GHR: variants seen among roughly 807,000 people sequenced by gnomAD.
GHR encodes GH receptor.
GHR carries 35 observed loss-of-function variants against 67.1 expected under a neutral mutation model. That is an observed-to-expected ratio of 0.52 (90% CI 0.40 to 0.69). GHR has a LOEUF of 0.69. Among genes scored for constraint, GHR ranks in the 30% least tolerant of loss-of-function variants. The pLI, the probability that GHR is intolerant of heterozygous loss-of-function variation, is 0.00. For synonymous variants in GHR, 272 were observed against 269.1 expected, an observed-to-expected ratio of 1.01 and a Z score of -0.10; for missense variants, 792 against 764.6, an observed-to-expected ratio of 1.04 and a Z score of -0.42.
chr5:42,475,744 A>T (rs1202969225), intron 1 of GHR, among the ~76,000 whole-genome samples: 1 of 152,080 alleles, frequency 6.6e-6, no homozygotes, highest in Non-Finnish European at 1.5e-5. Flanking sequence ...CAGCAGTCAA[A>T]ATGTGATGGG....
intron 1 of GHR, among the ~76,000 whole-genome samples, chr5:42,562,031 T>G (rs1275444137): frequency 6.6e-6 from 1 of 152,168 alleles, no homozygotes; most frequent in Non-Finnish European, 1.5e-5. Context: ...TAGAGGGACT[T>G]TCTTATTCTC....
intron 1 of GHR, among the ~76,000 whole-genome samples, chr5:42,484,550 C>A (rs1439745443): frequency 6.6e-6 from 1 of 152,194 alleles, no homozygotes; most frequent in Non-Finnish European, 1.5e-5. Flanking sequence ...AAATATGCAG[C>A]CTGCTGCTCT....
At chr5:42,626,591 G>A (rs1753715454) in intron 2 of GHR, among the ~76,000 whole-genome samples, 1 of 152,074 alleles carries the variant, frequency 6.6e-6, no homozygotes, top group African/African-American at 2.4e-5. Flanking sequence ...GTTGGAGAGT[G>A]GGGCTGAAGT....
chr5:42,523,816 A>C (rs1252745104), intron 1 of GHR, among the ~76,000 whole-genome samples: 1 of 152,142 alleles, frequency 6.6e-6, no homozygotes. Flanking sequence ...TAATTGAATC[A>C]TGGGAGCCAG....
intron 1 of GHR, among the ~76,000 whole-genome samples, chr5:42,482,234 C>T (rs1745675373): frequency 6.6e-6 from 1 of 152,162 alleles, no homozygotes; most frequent in Admixed American, 6.5e-5. Context: ...CTGATCGTTC[C>T]TCTGGAAGTT....
At chr5:42,476,368 C>T (rs555685931) in intron 1 of GHR, among the ~76,000 whole-genome samples, 26 of 149,750 alleles carry the variant, frequency 1.7e-4, no homozygotes, top group Middle Eastern at 7.1e-3. Context: ...TACAGGCACG[C>T]GCCACCATGC....
intron 1 of GHR, among the ~76,000 whole-genome samples, chr5:42,534,814 C>A (rs1476444928): frequency 6.6e-6 from 1 of 151,974 alleles, no homozygotes. Context: ...GCATTCATGC[C>A]AACATCTACT....
intron 3 of GHR, among the ~76,000 whole-genome samples, chr5:42,634,889 C>A (rs1754101267): frequency 6.6e-6 from 1 of 151,912 alleles, no homozygotes; most frequent in Admixed American, 6.6e-5. Flanking sequence ...CAGATATTTT[C>A]AACATCAAGA....
intron 1 of GHR, among the ~76,000 whole-genome samples, chr5:42,527,614 A>C (rs1747767102): frequency 6.6e-6 from 1 of 152,210 alleles, no homozygotes; most frequent in African/African-American, 2.4e-5. Flanking sequence ...TATTAGTGGG[A>C]GACTTCAACA....
At chr5:42,703,143 C>T (rs565955252) in intron 6 of GHR, among the ~76,000 whole-genome samples, 2 of 152,042 alleles carry the variant, frequency 1.3e-5, no homozygotes, top group Non-Finnish European at 2.9e-5. Flanking sequence ...AAACCAATGT[C>T]ATGGAGCTTT....
chr5:42,690,317 C>G (rs555184496), intron 4 of GHR, among the ~76,000 whole-genome samples: 1 of 152,162 alleles, frequency 6.6e-6, no homozygotes, highest in African/African-American at 2.4e-5. Flanking sequence ...GGGAAATTAG[C>G]CAGTTTGTGT....
chr5:42,563,318 A>C (rs536596327), intron 1 of GHR, among the ~76,000 whole-genome samples: 4 of 152,204 alleles, frequency 2.6e-5, no homozygotes, highest in Admixed American at 2.0e-4. Context: ...TGCTTTCTCC[A>C]CTTAAAAAGA....
intron 1 of GHR, among the ~76,000 whole-genome samples, chr5:42,532,081 T>A (rs1315186434): frequency 6.6e-6 from 1 of 152,112 alleles, no homozygotes; most frequent in Non-Finnish European, 1.5e-5. Flanking sequence ...TTTGCTTTTC[T>A]TCTTGGAAGG....
At chr5:42,632,843 G>A (rs1753996981) in intron 3 of GHR, among the ~76,000 whole-genome samples, 1 of 152,166 alleles carries the variant, frequency 6.6e-6, no homozygotes, top group Non-Finnish European at 1.5e-5. Context: ...ATATTTTAAA[G>A]AAGTAATGCT....
intron 1 of GHR, chr5:42,514,254 A>G (rs1342961763): frequency 1.0e-6 from 1 of 985,178 alleles, no homozygotes; most frequent in Admixed American, 6.1e-5. Context: ...CAAATCTTCC[A>G]TGACCAAGGT....
chr5:42,640,474 A>C (rs1754410789), intron 3 of GHR, among the ~76,000 whole-genome samples: 1 of 152,064 alleles, frequency 6.6e-6, no homozygotes, highest in Non-Finnish European at 1.5e-5. Context: ...TGTTACTACT[A>C]CTGCTATTAT....
At chr5:42,711,733 C>T (rs1442829778) in intron 7 of GHR, among the ~76,000 whole-genome samples, 1 of 151,934 alleles carries the variant, frequency 6.6e-6, no homozygotes, top group Non-Finnish European at 1.5e-5. Flanking sequence ...GGAAAAAAAG[C>T]TGTACTGATG....
intron 2 of GHR, among the ~76,000 whole-genome samples, chr5:42,597,440 A>T (rs1752130304): frequency 6.6e-6 from 1 of 152,180 alleles, no homozygotes; most frequent in Non-Finnish European, 1.5e-5. Flanking sequence ...TTCAAAAACC[A>T]GTGCCCATAG....
intron 1 of GHR, chr5:42,514,110 G>T (rs1472340297): frequency 1.0e-5 from 10 of 984,808 alleles, no homozygotes; most frequent in Non-Finnish European, 1.2e-5. Flanking sequence ...AACCAGAACT[G>T]ACCTTGAAGA....
Sources: gnomAD v4.1 joint callset for allele counts (sites outside exome capture counted in the v4.1 genomes callset) on GRCh38, gnomAD v4.1.1 for gene constraint, MANE v1.5 for transcripts, NCBI Gene and HGNC (gene_info 2026-07-23, HGNC 2026-07-21) for gene names.